The following TTN variants were observed in gnomAD, a reference collection of about 807,000 sequenced individuals.
TTN encodes connectin.
In TTN, 1,525 loss-of-function variants were observed where a neutral mutation model predicts 3,223.0. The observed-to-expected ratio is 0.47, with a 90% CI of 0.45 to 0.49. The LOEUF (loss-of-function observed/expected upper bound fraction) is 0.49, where lower values mean the gene tolerates loss of function less well. Among genes scored for constraint, TTN ranks in the 20% least tolerant of loss-of-function variants. The pLI, the probability that TTN is intolerant of heterozygous loss-of-function variation, is 0.00. For synonymous variants in TTN, 14,094 were observed against 15,161.0 expected (o/e 0.93, Z 5.17); for missense variants, 40,786 against 43,424.0 (o/e 0.94, Z 5.40).
chr2:178,795,297 G>C lies in TTN; in HGVS notation c.915-45C>G, dbSNP rs752744979. The C allele has an allele frequency of 4.4e-6, 7 of 1,577,054 alleles. No homozygotes were observed. The African/African-American group carries it at 8.1e-5, about 18-fold the overall frequency. ...GGTCAAGAATGTCAAAGCAAGGAGGGGTAACTGGATGTGAATCATGAGATG... is the reference window on the plus strand; with the variant it reads ...GGTCAAGAATGTCAAAGCAAGGAGGCGTAACTGGATGTGAATCATGAGATG... On this transcript the variant is annotated intron_variant, in intron 6 of 362. Transcript: ENST00000589042.
Position 178,542,650 on chromosome 2 carries a change from A to G in TTN, c.97192+12T>C, listed in dbSNP as rs1346344405. 3 of 1,607,446 alleles carry G rather than the reference A, an allele frequency of 1.9e-6. No homozygotes were observed. The African/African-American group carries it at 4.0e-5, about 21-fold the overall frequency. On this transcript the variant is annotated intron_variant, in intron 348 of 362. Transcript: ENST00000589042. ...ACATCAACTTGCTTGTATCTTTGTC[A>G]CACATCCTTACCAAGAATGATAACT... is the stretch of plus-strand genomic sequence containing the variant.
At position 178,583,620 on chromosome 2, in the gene TTN, G is replaced by A. The variant is rs1575958372; in HGVS notation, c.65562C>T (p.Ile21854=). 1 of 1,601,432 alleles carries A rather than the reference G, an allele frequency of 6.2e-7. No individual in the cohort carries two copies. Among genetic ancestry groups the A allele is most frequent in the African/African-American group, 1.3e-5 (1 of 74,594 alleles). The change falls in exon 312 of 363, where the codon ATC becomes ATT. Residue 21854 remains isoleucine, a synonymous_variant. Coordinates refer to ENST00000589042, the MANE Select transcript of TTN (RefSeq NM_001267550.2). ...PPSEPSDPVT[I]LAENVPPRID... is the part of the protein sequence containing the mutation. The stretch of plus-strand genomic sequence containing the variant: ...GCAGAATCTTACCATTTTCTGCGAG[G>A]ATAGTCACTGGATCAGAAGGTTCAG...
At position 178,583,696 on chromosome 2, in the gene TTN, T is replaced by C. The variant is rs886038921; in HGVS notation, c.65486A>G (p.Gln21829Arg). The C allele has an allele frequency of 1.2e-6, 2 of 1,612,438 alleles. No individual in the cohort carries two copies. The highest frequency in any genetic ancestry group is 3.3e-5 in the Admixed American group (2 of 59,928). ...YTATGLEEKA[Q>R]YQFRAIARTA... The stretch of plus-strand genomic sequence containing the variant: ...CCTGGCAATAGCTCTAAATTGATAC[T>C]GAGCTTTCTCTTCTAGGCCAGTAGC... Residue 21829 changes from glutamine to arginine, a missense_variant, in exon 312 of 363, where the codon CAG becomes CGG. Gln to Arg is a conservative substitution (Grantham distance 43). Transcript: ENST00000589042.
rs73038342 is a variant in TTN, at chr2:178,728,383, G to T, written c.19441C>A (p.Pro6481Thr). 138 of 1,600,506 alleles carry T rather than the reference G, an allele frequency of 8.6e-5. 3 individuals are homozygous for T. In the South Asian group the frequency reaches 1.1e-3, roughly 13 times the overall value. Reference protein sequence around the residue: ...YLRVLDQNIPPSFTKKLTKMD... With the variant: ...YLRVLDQNIPTSFTKKLTKMD... Reference sequence around the variant, plus strand: ...TTGGTTAATTTTTTGGTGAATGATGGAGGAATATTTTGATCTGTCCAATGC... The same window carrying T: ...TTGGTTAATTTTTTGGTGAATGATGTAGGAATATTTTGATCTGTCCAATGC... Residue 6481 changes from proline (P) to threonine (T), a missense_variant, in exon 67 of 363, where the codon CCA (proline) becomes ACA (threonine). Pro to Thr is a conservative substitution (Grantham distance 38). Transcript: ENST00000589042.
At position 178,612,830 on chromosome 2, in the gene TTN, C is replaced by A; in HGVS notation, c.49891G>T (p.Ala16631Ser). The A allele has an allele frequency of 1.2e-6, 2 of 1,612,504 alleles. No homozygotes were observed. Among genetic ancestry groups the A allele is most frequent in the South Asian group, 2.2e-5 (2 of 91,024 alleles). The change falls in exon 265 of 363, where the codon GCT becomes TCT. Residue 16631 changes from alanine to serine, a missense_variant. Physicochemically the swap from Ala to Ser is moderately conservative, Grantham distance 99. Coordinates refer to ENST00000589042, the MANE Select transcript of TTN (RefSeq NM_001267550.2). Reference protein sequence around the residue: ...YSFRVRAVNKAGESEPSEPSD... With the variant: ...YSFRVRAVNKSGESEPSEPSD... ...GGTTCACTGGGTTCACTTTCCCCAGCCTTATTCACAGCTCTAACTCGGAAT... is the reference window on the plus strand; with the variant it reads ...GGTTCACTGGGTTCACTTTCCCCAGACTTATTCACAGCTCTAACTCGGAAT...
In TTN at chr2:178,716,913, T is replaced by A. The variant is rs2562833; in HGVS notation, c.25639+182A>T. On this transcript the variant is annotated intron_variant, in intron 88 of 362. Transcript: ENST00000589042. ...TGGTCCATGTTTTCCTAGTTTTAAA[T>A]TTTTTTTTTAAAGTAATTAAAAAAT... is the stretch of plus-strand genomic sequence containing the variant. Among the ~76,000 whole-genome samples the A allele has an allele frequency of 0.14, 21,529 of 149,732 alleles. 2,259 individuals carry two copies. The highest frequency in any genetic ancestry group is 0.28 in the African/African-American group (11,365 of 40,706).
chr2:178,581,829 T>C lies in TTN; in HGVS notation c.66464-25A>G, dbSNP rs548287582. 21 of 1,595,318 alleles carry C rather than the reference T, an allele frequency of 1.3e-5. No homozygotes were observed. The South Asian group carries it at 2.0e-4, about 16-fold the overall frequency. On this transcript the variant is annotated intron_variant, in intron 315 of 362. Coordinates refer to ENST00000589042, the MANE Select transcript of TTN (RefSeq NM_001267550.2). ...TCTGAGAATAAATAATGATAGGAAA[T>C]TTTCATGAAAACTTCCTTCCTGGGT...
At chr2:178,757,478 T>G in intron 45 of TTN, 64 bp downstream of exon 45, 1 of 1,472,416 alleles carries the variant, frequency 6.8e-7, no homozygotes, top group Non-Finnish European at 9.0e-7. Context: ...GAGACTCTCA[T>G]TAGTAACAGT....
At chr2:178,701,320 C>A in intron 110 of TTN, 117 bp from the exon 111 acceptor site, 1 of 1,058,062 alleles carries the variant, frequency 9.5e-7, no homozygotes, top group Non-Finnish European at 1.4e-6. Flanking sequence ...ACGAATTCAT[C>A]AGTCGGAACA....
chr2:178,745,405 T>C, intron 47 of TTN: 1 of 1,432,432 alleles, frequency 7.0e-7, no homozygotes, highest in Non-Finnish European at 9.1e-7. Flanking sequence ...GATAACAAAA[T>C]ATTTACATGT....
intron 307 of TTN, 151 bp from the exon 308 acceptor site, chr2:178,586,958 G>T: frequency 2.2e-6 from 3 of 1,349,148 alleles, no homozygotes; most frequent in Non-Finnish European, 3.1e-6. Flanking sequence ...AGATGAGACA[G>T]ATCAAAAAAG....
chr2:178,549,400 C>T lies in TTN; in HGVS notation c.92226G>A (p.Arg30742=), dbSNP rs759484932. The part of the protein sequence containing the change: ...TGNSITLTWA[R]PESDGGSEIQ... ...TTTCACTGCCACCATCTGATTCTGG[C>T]CTTGCCCATGTCAGGGTAATGCTGT... Residue 30742 remains arginine (R), a synonymous_variant, in exon 339 of 363, where the codon AGG becomes AGA. Transcript: ENST00000589042. 30 of 1,613,714 alleles carry T rather than the reference C, an allele frequency of 1.9e-5. No individual in the cohort carries two copies. Among genetic ancestry groups the T allele is most frequent in the Non-Finnish European group, 2.4e-5 (28 of 1,179,758 alleles).
rs372802604 is a variant in TTN at position 178,715,656 on chromosome 2, G to A, written c.25758C>T (p.Asp8586=). The part of the protein sequence containing the change: ...SPEIKVLWYK[D]ETEIQESSKF... ...TACTGCTCTCTTGAATTTCAGTCTC[G>A]TCCTTATACCATAAAACTTTGATTT... The change falls in exon 89 of 363, where the codon GAC becomes GAT. Residue 8586 remains aspartate (D), a synonymous_variant. Coordinates refer to ENST00000589042, the MANE Select transcript of TTN (RefSeq NM_001267550.2). The A allele has an allele frequency of 1.1e-4, 170 of 1,612,872 alleles. No individual in the cohort carries two copies. The highest frequency in any genetic ancestry group is 5.4e-4 in the East Asian group (24 of 44,818).
intron 240 of TTN, among the ~76,000 whole-genome samples, chr2:178,627,129 A>T (rs1016110830): frequency 1.3e-5 from 2 of 151,994 alleles, no homozygotes; most frequent in Non-Finnish European, 2.9e-5. Flanking sequence ...TGACAAAACT[A>T]TTAAAGTTTT....
chr2:178,723,898 C>T lies in TTN; in HGVS notation c.21361G>A (p.Val7121Ile), dbSNP rs893277923. The change falls in exon 73 of 363, where the codon GTC becomes ATC. Residue 7121 changes from valine (V) to isoleucine (I), a missense_variant. Val to Ile is a conservative substitution (Grantham distance 29). Coordinates refer to ENST00000589042, the MANE Select transcript of TTN (RefSeq NM_001267550.2). ...GCACGACATTCATCAGACCCAGCGA[C>T]ATTAGCAGCCACGCATGTGTAATTG... ...MGNYTCVAAN[V>I]AGSDECRAVL... 4 of 1,613,266 alleles carry T rather than the reference C, an allele frequency of 2.5e-6. No individual in the cohort carries two copies. Among genetic ancestry groups the T allele is most frequent in the African/African-American group, 1.3e-5 (1 of 75,034 alleles).
At chr2:178,789,787 T>A (rs1282132783) in intron 12 of TTN, among the ~76,000 whole-genome samples, 191 bp downstream of exon 12, 1 of 152,152 alleles carries the variant, frequency 6.6e-6, no homozygotes, top group Non-Finnish European at 1.5e-5. Flanking sequence ...GAATTATAAA[T>A]GTTACAGATG....
chr2:178,711,106 T>C lies in TTN; in HGVS notation c.28130A>G (p.Asn9377Ser). The C allele has an allele frequency of 6.2e-7, 1 of 1,613,394 alleles. No homozygotes were observed. Among genetic ancestry groups the C allele is most frequent in the South Asian group, 1.1e-5 (1 of 90,968 alleles). ...LAGQYSCTATNPIGSASSSAR... is the reference protein window; with the variant it reads ...LAGQYSCTATSPIGSASSSAR... ...ACTGGAAGAAGCAGAGCCTATAGGGTTTGTAGCTGTGCAGGAATACTGGCC... is the reference window on the plus strand; with the variant it reads ...ACTGGAAGAAGCAGAGCCTATAGGGCTTGTAGCTGTGCAGGAATACTGGCC... Residue 9377 changes from asparagine to serine, a missense_variant, in exon 97 of 363, where the codon AAC becomes AGC. Transcript: ENST00000589042.
intron 89 of TTN, 33 bp downstream of exon 89, chr2:178,715,460 T>A (rs780789427): frequency 3.9e-5 from 61 of 1,580,262 alleles, no homozygotes; most frequent in Non-Finnish European, 5.2e-5. Context: ...AGGAGGCTAA[T>A]GTGAAAAACA....
At chr2:178,665,536 T>C in intron 164 of TTN, 76 bp from the exon 165 acceptor site, 1 of 1,480,470 alleles carries the variant, frequency 6.8e-7, no homozygotes, top group Non-Finnish European at 9.3e-7. Flanking sequence ...TGAACCAAAG[T>C]GATATTTATG....
Sources: allele counts gnomAD v4.1 joint callset (sites outside exome capture counted in the v4.1 genomes callset), GRCh38; gene constraint gnomAD v4.1.1; transcripts MANE v1.5; gene names NCBI Gene and HGNC (gene_info 2026-07-23, HGNC 2026-07-21).